Variants in ZFAT observed in about 807,000 individuals in gnomAD.
ZFAT encodes the protein zinc finger protein ZFAT.
ZFAT carries 64 observed loss-of-function variants against 117.7 expected under a neutral mutation model. The observed-to-expected ratio is 0.54, with a 90% CI of 0.44 to 0.67. The LOEUF (loss-of-function observed/expected upper bound fraction) is 0.67. Ranked by LOEUF, ZFAT falls within the 30% of genes least tolerant of loss-of-function variation. ZFAT has a pLI of 0.00. For missense variants in ZFAT, 1,433 were observed against 1,584.5 expected (o/e 0.90, Z 1.62); for synonymous variants, 679 against 615.0 (o/e 1.10, Z -1.54).
chr8:134,758,002 A>C, the ZFAT span, among the ~76,000 whole-genome samples: 4 of 152,254 alleles, frequency 2.6e-5, no homozygotes, highest in Non-Finnish European at 5.9e-5. Flanking sequence ...TTCTGATTTC[A>C]AAACCTATAT....
the ZFAT span, among the ~76,000 whole-genome samples, chr8:134,774,088 C>T: frequency 1.4e-4 from 21 of 148,148 alleles, no homozygotes; most frequent in South Asian, 1.5e-3. Flanking sequence ...CTCTGCTTCC[C>T]GGGTTGAAGC....
intron 2 of ZFAT, among the ~76,000 whole-genome samples, chr8:134,648,929 A>G (rs1831056937): frequency 6.6e-6 from 1 of 152,108 alleles, no homozygotes; most frequent in Non-Finnish European, 1.5e-5. Flanking sequence ...ATGCAACATG[A>G]CCAAATGAGA....
At chr8:134,506,098 T>A (rs1204766799) in intron 15 of ZFAT, among the ~76,000 whole-genome samples, 10 of 152,254 alleles carry the variant, frequency 6.6e-5, no homozygotes, top group Non-Finnish European at 1.5e-5. Context: ...ATAACTAATT[T>A]TGACTCAGAG....
chr8:134,714,499 A>G (rs970126352), upstream of ZFAT, among the ~76,000 whole-genome samples: 1 of 152,122 alleles, frequency 6.6e-6, no homozygotes, highest in Non-Finnish European at 1.5e-5. Context: ...TCCCTTGGGC[A>G]TTGAGCTTCA....
chr8:134,727,420 T>A, the ZFAT span, among the ~76,000 whole-genome samples: 17 of 152,188 alleles, frequency 1.1e-4, no homozygotes, highest in Non-Finnish European at 2.5e-4. Context: ...AAGGGTCCTG[T>A]CACTGCGCTG....
intron 7 of ZFAT, among the ~76,000 whole-genome samples, chr8:134,596,199 A>G (rs1300391366): frequency 6.6e-6 from 1 of 152,208 alleles, no homozygotes; most frequent in East Asian, 1.9e-4. Context: ...AGGCACTTTC[A>G]CATCACAAAG....
At chr8:134,559,785 G>C (rs893341040) in intron 11 of ZFAT, among the ~76,000 whole-genome samples, 1 of 152,014 alleles carries the variant, frequency 6.6e-6, no homozygotes, top group Admixed American at 6.5e-5. Flanking sequence ...AGTGAGGTTG[G>C]ACAACTTATC....
chr8:134,674,684 G>C (rs552838385), intron 1 of ZFAT: 1 of 171,356 alleles, frequency 5.8e-6, no homozygotes, highest in Non-Finnish European at 1.3e-5. Context: ...TCCCCACCCC[G>C]TGTATCCAGA....
chr8:134,670,036 C>T (rs1389839182), intron 1 of ZFAT, among the ~76,000 whole-genome samples: 2 of 152,192 alleles, frequency 1.3e-5, no homozygotes, highest in Non-Finnish European at 2.9e-5. Flanking sequence ...GGGACCAATT[C>T]AACAAGAAGA....
the ZFAT span, among the ~76,000 whole-genome samples, chr8:134,762,872 A>G: frequency 6.6e-6 from 1 of 152,218 alleles, no homozygotes; most frequent in Non-Finnish European, 1.5e-5. Flanking sequence ...AAATGGCAGC[A>G]TCATTTAGCC....
intron 1 of ZFAT, among the ~76,000 whole-genome samples, chr8:134,705,384 T>TTG (rs1834123005): frequency 6.7e-6 from 1 of 149,670 alleles, no homozygotes; most frequent in Non-Finnish European, 1.5e-5. Flanking sequence ...TTTGTTTTTT[T>TTG]TTTTTTGTAG....
the ZFAT span, among the ~76,000 whole-genome samples, chr8:134,801,680 C>CA: frequency 2.0e-5 from 3 of 152,160 alleles, no homozygotes; most frequent in Non-Finnish European, 2.9e-5. Flanking sequence ...AAAACACATT[C>CA]AAATAGGCCC....
intron 1 of ZFAT, among the ~76,000 whole-genome samples, chr8:134,692,583 A>T (rs1833634451): frequency 6.6e-6 from 1 of 152,254 alleles, no homozygotes; most frequent in African/African-American, 2.4e-5. Context: ...AAATTCACCT[A>T]GTCAAAGGAT....
At chr8:134,640,528 C>G (rs971724535) in intron 2 of ZFAT, among the ~76,000 whole-genome samples, 3 of 152,168 alleles carry the variant, frequency 2.0e-5, no homozygotes, top group Admixed American at 6.5e-5. Flanking sequence ...GGAGACTCCT[C>G]GAAGGCAGAG....
At position 134,532,837 on chromosome 8, in the gene ZFAT, G is replaced by C; in HGVS notation, c.3112C>G (p.Gln1038Glu). The change falls in exon 12 of 16, where the codon CAA becomes GAA. Residue 1038 changes from glutamine (Q) to glutamate (E), a missense_variant. Physicochemically the swap from Gln to Glu is conservative, Grantham distance 29. Transcript: ENST00000377838. ...AGCTCGCTGGCCCCTCGCCTACCTT[G>C]CTGGATGAGCACCTCCGCTGCCAGC... ...GELAAEVLIQ[Q>E]GGLKCPVCSF... 2 of 1,610,136 alleles carry C rather than the reference G, an allele frequency of 1.2e-6. No homozygotes were observed. The highest frequency in any genetic ancestry group is 1.7e-6 in the Non-Finnish European group (2 of 1,178,500).
the ZFAT span, among the ~76,000 whole-genome samples, chr8:134,756,852 T>C: frequency 6.6e-6 from 1 of 152,184 alleles, no homozygotes; most frequent in Non-Finnish European, 1.5e-5. Flanking sequence ...TGCAAGCTGC[T>C]CTTCCACTGT....
chr8:134,624,180 G>GCACACA (rs57195425), intron 3 of ZFAT, among the ~76,000 whole-genome samples: 2,112 of 146,262 alleles, frequency 0.014, 28 homozygotes, highest in African/African-American at 0.039. Context: ...ATGTGCACAT[G>GCACACA]CACACACACA....
intron 2 of ZFAT, among the ~76,000 whole-genome samples, chr8:134,642,817 C>T (rs975823818): frequency 1.3e-5 from 2 of 152,244 alleles, no homozygotes; most frequent in Admixed American, 6.5e-5. Context: ...AAGGCCCTGA[C>T]AGTCAATCTC....
At chr8:134,768,175 C>T in the ZFAT span, among the ~76,000 whole-genome samples, 63,283 of 151,760 alleles carry the variant, frequency 0.42, 13,802 homozygotes, top group African/African-American at 0.56. Context: ...TCCAACAGCA[C>T]GTGCTCGCTT....
Sources: gnomAD v4.1 joint callset for allele counts (sites outside exome capture counted in the v4.1 genomes callset) on GRCh38, gnomAD v4.1.1 for gene constraint, MANE v1.5 for transcripts, NCBI Gene and HGNC (gene_info 2026-07-23, HGNC 2026-07-21) for gene names.